The following LRP1B variants were observed in gnomAD, a reference collection of about 807,000 sequenced individuals.
The protein encoded by LRP1B is low-density lipoprotein receptor-related protein 1B.
LRP1B carries 217 observed loss-of-function variants against 556.6 expected under a neutral mutation model. The ratio of observed to expected loss-of-function variants is 0.39; its 90% confidence interval spans 0.35 to 0.44. The LOEUF is 0.44. LRP1B is among the 20% of genes least tolerant of loss of function. LRP1B has a pLI of 1.00. For synonymous variants in LRP1B, 2,047 were observed against 1,865.8 expected (o/e 1.10, Z -2.50); for missense variants, 5,053 against 5,620.8 (o/e 0.90, Z 3.23).
rs755371701 is a variant in LRP1B at position 141,049,144 on chromosome 2, A to G, written c.1631T>C (p.Ile544Thr). The part of the protein sequence containing the change: ...IVRGMDLNTK[I>T]ADEYMIPIEN... ...TATGGGGATCATGTATTCATCAGCT[A>G]TCTTGGTATTCAAGTCCATTCCTCT... The change falls in exon 11 of 91, where the codon ATA becomes ACA. Residue 544 changes from isoleucine (I) to threonine (T), a missense_variant. Coordinates refer to ENST00000389484, the MANE Select transcript of LRP1B (RefSeq NM_018557.3). 3.2e-5 allele frequency: 52 copies of G among 1,613,500 alleles called. No homozygotes were observed. Among genetic ancestry groups the G allele is most frequent in the Middle Eastern group, 1.6e-4 (1 of 6,076 alleles).
At chr2:142,107,398 C>T (rs1035378597) in intron 1 of LRP1B, among the ~76,000 whole-genome samples, 2 of 152,056 alleles carry the variant, frequency 1.3e-5, no homozygotes, top group African/African-American at 2.4e-5. Flanking sequence ...TGAGTTTGGT[C>T]CCCTTCTGTC....
Position 141,869,462 on chromosome 2 carries a change from A to C in LRP1B, c.83-59061T>G, listed in dbSNP as rs118167288. 7.9e-4 allele frequency among the ~76,000 whole-genome samples: 121 copies of C among 152,212 alleles called. 2 individuals carry two copies. The East Asian group carries it at 0.022, about 27-fold the overall frequency. ...TAACCAAAATTATATTATTAAAATT[A>C]AATCGATACTAATATGTTTTTTAAC... On this transcript the variant is annotated intron_variant, in intron 1 of 90. Transcript: ENST00000389484.
At chr2:141,502,197 A>G (rs1683740539) in intron 2 of LRP1B, among the ~76,000 whole-genome samples, 1 of 152,210 alleles carries the variant, frequency 6.6e-6, no homozygotes, top group South Asian at 2.1e-4. Flanking sequence ...TTTCATTCAA[A>G]TATTCTGTAA....
intron 2 of LRP1B, among the ~76,000 whole-genome samples, chr2:141,512,206 G>A (rs543340835): frequency 1.0e-3 from 159 of 152,076 alleles, no homozygotes; most frequent in Non-Finnish European, 1.8e-3. Context: ...TTAAGCCTTC[G>A]CCATGTATTA....
rs1553524127 is a variant in LRP1B at position 141,510,234 on chromosome 2, A to ACC, written c.206-29703_206-29702dup. On this transcript the variant is annotated intron_variant, in intron 2 of 90. Transcript: ENST00000389484. ...CACACACACACACACACACACACAC[A>ACC]CCCCCCACAGTCATTTGATGATATT... Among the ~76,000 whole-genome samples, 399 of 145,370 alleles carry ACC rather than the reference A, an allele frequency of 2.7e-3. 5 individuals are homozygous for ACC. The highest frequency in any genetic ancestry group is 9.4e-3 in the African/African-American group (372 of 39,488).
chr2:141,244,897 C>T (rs540978303), intron 5 of LRP1B, among the ~76,000 whole-genome samples: 2 of 152,058 alleles, frequency 1.3e-5, no homozygotes, highest in Non-Finnish European at 2.9e-5. Context: ...TGTCATCAAG[C>T]AAAAGACCTA....
chr2:140,468,691 T>C (rs1263872953), intron 60 of LRP1B, among the ~76,000 whole-genome samples: 1 of 152,242 alleles, frequency 6.6e-6, no homozygotes, highest in African/African-American at 2.4e-5. Flanking sequence ...AGGCAAAATT[T>C]AGAAGATTTT....
intron 36 of LRP1B, among the ~76,000 whole-genome samples, chr2:140,716,390 T>C (rs995706367): frequency 8.5e-5 from 13 of 152,120 alleles, no homozygotes; most frequent in Admixed American, 6.6e-4. Flanking sequence ...TTTAACTTTC[T>C]ACTGACTTCA....
intron 2 of LRP1B, among the ~76,000 whole-genome samples, chr2:141,758,521 A>T (rs2105586995): frequency 6.6e-6 from 1 of 152,238 alleles, no homozygotes; most frequent in South Asian, 2.1e-4. Context: ...TAATACATAA[A>T]GAATGGGATA....
intron 2 of LRP1B, among the ~76,000 whole-genome samples, chr2:141,775,547 A>C (rs1226393786): frequency 6.6e-6 from 1 of 152,196 alleles, no homozygotes; most frequent in African/African-American, 2.4e-5. Context: ...CTTTTGCTAA[A>C]TACCAGCTAA....
At chr2:140,476,474 C>A (rs1266885012) in intron 59 of LRP1B, among the ~76,000 whole-genome samples, 1 of 151,852 alleles carries the variant, frequency 6.6e-6, no homozygotes, top group African/African-American at 2.4e-5. Flanking sequence ...GAAATTTTTT[C>A]TCATAAATTC....
chr2:140,625,071 G>A (rs1483634209), intron 41 of LRP1B, among the ~76,000 whole-genome samples: 1 of 152,154 alleles, frequency 6.6e-6, no homozygotes, highest in Non-Finnish European at 1.5e-5. Flanking sequence ...GATCTTTCAG[G>A]TTAAGGTGAG....
At chr2:140,359,574 C>T (rs1682411018) in intron 72 of LRP1B, among the ~76,000 whole-genome samples, 1 of 151,584 alleles carries the variant, frequency 6.6e-6, no homozygotes, top group African/African-American at 2.4e-5. Flanking sequence ...AAGACTTCCA[C>T]TCTTAAAGCA....
At chr2:141,645,469 CTTTTT>C (rs750147915) in intron 2 of LRP1B, among the ~76,000 whole-genome samples, 1 of 48,402 alleles carries the variant, frequency 2.1e-5, no homozygotes, top group African/African-American at 9.3e-5. Context: ...GAAGACAAGG[CTTTTT>C]TTTTTTTTTT....
rs139702547 is a variant in LRP1B, at chr2:142,107,164, T to G, written c.82+23484A>C. On this transcript the variant is annotated intron_variant, in intron 1 of 90. Transcript: ENST00000389484. ...AACAAGTTCTATTTATTACAACAGT[T>G]TCTGGGTTAAAATAAAATTATACTG... Among the ~76,000 whole-genome samples the G allele has an allele frequency of 1.0e-3, 156 of 152,290 alleles. 1 individual carries two copies. In the East Asian group the frequency reaches 0.027, roughly 27 times the overall value.
chr2:141,336,202 C>A (rs1459859544), intron 3 of LRP1B, among the ~76,000 whole-genome samples: 10 of 151,488 alleles, frequency 6.6e-5, no homozygotes, highest in African/African-American at 2.4e-4. Flanking sequence ...TCTGCAGTCA[C>A]TTCCTTGGCT....
chr2:140,265,145 G>T (rs1441217647), intron 86 of LRP1B, among the ~76,000 whole-genome samples: 4 of 151,906 alleles, frequency 2.6e-5, no homozygotes, highest in Non-Finnish European at 5.9e-5. Context: ...CTAACACTAG[G>T]GAAAAAATCT....
intron 86 of LRP1B, among the ~76,000 whole-genome samples, chr2:140,252,745 A>G (rs1444584353): frequency 6.6e-6 from 1 of 152,052 alleles, no homozygotes; most frequent in Non-Finnish European, 1.5e-5. Context: ...GCTGTGCCCA[A>G]TAATCTGTCC....
At chr2:141,725,945 A>G (rs928257024) in intron 2 of LRP1B, among the ~76,000 whole-genome samples, 3 of 151,890 alleles carry the variant, frequency 2.0e-5, no homozygotes, top group Non-Finnish European at 2.9e-5. Flanking sequence ...TATGTAAAAT[A>G]AGGTATTTGT....
Sources: gnomAD v4.1 joint callset for allele counts (sites outside exome capture counted in the v4.1 genomes callset) on GRCh38, gnomAD v4.1.1 for gene constraint, MANE v1.5 for transcripts, NCBI Gene and HGNC (gene_info 2026-07-23, HGNC 2026-07-21) for gene names.